LRBA: variants seen among roughly 807,000 people sequenced by gnomAD.
LRBA encodes LPS responsive beige-like anchor protein.
A neutral mutation model predicts 330.0 loss-of-function variants in LRBA; 176 were observed. That is an observed-to-expected ratio of 0.53 (90% CI 0.47 to 0.60). The LOEUF (loss-of-function observed/expected upper bound fraction) is 0.60. LRBA is among the 20% of genes least tolerant of loss of function. LRBA has a pLI of 0.00. For missense variants in LRBA, 3,259 were observed against 3,444.8 expected, an observed-to-expected ratio of 0.95 and a Z score of 1.35; for synonymous variants, 1,230 against 1,193.0, an observed-to-expected ratio of 1.03 and a Z score of -0.64.
intron 56 of LRBA, among the ~76,000 whole-genome samples, chr4:150,267,280 A>AT (rs1745469408): frequency 6.6e-6 from 1 of 152,240 alleles, no homozygotes; most frequent in South Asian, 2.1e-4. Flanking sequence ...AAGATAAACC[A>AT]TATGTTAGGC....
chr4:150,824,237 A>G (rs764555537), intron 30 of LRBA, among the ~76,000 whole-genome samples: 26 of 152,312 alleles, frequency 1.7e-4, no homozygotes, highest in Admixed American at 5.2e-4. Flanking sequence ...CTGTTAGCAT[A>G]TAGAAATGAT....
intron 22 of LRBA, among the ~76,000 whole-genome samples, chr4:150,855,028 T>C (rs1751061085): frequency 6.6e-6 from 1 of 152,096 alleles, no homozygotes; most frequent in Non-Finnish European, 1.5e-5. Context: ...GAGTCCAAGG[T>C]GGGCAGATCA....
intron 22 of LRBA, among the ~76,000 whole-genome samples, chr4:150,853,294 ACT>A (rs999771021): frequency 6.6e-6 from 1 of 152,184 alleles, no homozygotes; most frequent in African/African-American, 2.4e-5. Flanking sequence ...TGCTTTATGC[ACT>A]GGATAACACT....
chr4:150,333,731 T>C (rs1734282311), intron 48 of LRBA, among the ~76,000 whole-genome samples: 1 of 152,166 alleles, frequency 6.6e-6, no homozygotes, highest in Non-Finnish European at 1.5e-5. Context: ...AGCCTCAGTG[T>C]CCTTTGGAGG....
At chr4:150,805,344 G>A (rs1343847630) in intron 33 of LRBA, among the ~76,000 whole-genome samples, 1 of 116,090 alleles carries the variant, frequency 8.6e-6, no homozygotes, top group African/African-American at 3.3e-5. Context: ...GAAAGGAGAA[G>A]GAGAAGGAAA....
chr4:150,662,356 G>C (rs1781197784), intron 37 of LRBA, among the ~76,000 whole-genome samples: 1 of 152,154 alleles, frequency 6.6e-6, no homozygotes, highest in Admixed American at 6.5e-5. Context: ...ACATGAAACT[G>C]CAAGATGTCA....
intron 31 of LRBA, among the ~76,000 whole-genome samples, chr4:150,809,278 C>A (rs1023990192): frequency 6.6e-6 from 1 of 152,128 alleles, no homozygotes; most frequent in African/African-American, 2.4e-5. Context: ...TAAGAGGACA[C>A]GGAAGCAGCA....
intron 2 of LRBA, among the ~76,000 whole-genome samples, chr4:150,949,768 C>CT (rs397720259): frequency 2.0e-5 from 3 of 151,230 alleles, no homozygotes; most frequent in Admixed American, 6.6e-5. Context: ...CAAGGAAACT[C>CT]GTAAGTTCAA....
At chr4:150,691,016 G>A (rs970935714) in intron 36 of LRBA, among the ~76,000 whole-genome samples, 4 of 140,078 alleles carry the variant, frequency 2.9e-5, no homozygotes, top group African/African-American at 1.1e-4. Context: ...TGTAAGCTCC[G>A]CCTCCCAGGT....
chr4:150,503,186 G>A (rs974470430), intron 40 of LRBA, among the ~76,000 whole-genome samples: 1 of 152,222 alleles, frequency 6.6e-6, no homozygotes, highest in Non-Finnish European at 1.5e-5. Flanking sequence ...GTCCCTGTCT[G>A]ACAGCTTTGA....
At chr4:150,549,232 A>G (rs1766250614) in intron 40 of LRBA, among the ~76,000 whole-genome samples, 1 of 151,786 alleles carries the variant, frequency 6.6e-6, no homozygotes, top group East Asian at 1.9e-4. Flanking sequence ...TTCATATGAC[A>G]TTTTTTAGTT....
chr4:150,992,592 T>C (rs1012404181), intron 2 of LRBA, among the ~76,000 whole-genome samples: 1 of 152,164 alleles, frequency 6.6e-6, no homozygotes, highest in African/African-American at 2.4e-5. Flanking sequence ...TGAAGGGTGT[T>C]ACAATAATCC....
intron 2 of LRBA, among the ~76,000 whole-genome samples, chr4:150,974,474 A>T (rs2149591786): frequency 6.6e-6 from 1 of 152,336 alleles, no homozygotes; most frequent in East Asian, 1.9e-4. Flanking sequence ...GGCTGAGAGA[A>T]GTCTGAATTC....
chr4:150,363,464 C>G (rs973853861), intron 47 of LRBA, among the ~76,000 whole-genome samples: 1 of 152,114 alleles, frequency 6.6e-6, no homozygotes, highest in Non-Finnish European at 1.5e-5. Flanking sequence ...GGTATATATA[C>G]AAGTATATTT....
chr4:150,677,408 G>C (rs780469655), intron 37 of LRBA, among the ~76,000 whole-genome samples: 1 of 152,132 alleles, frequency 6.6e-6, no homozygotes, highest in South Asian at 2.1e-4. Context: ...ATGTTTCAAT[G>C]AGCATATGTG....
intron 31 of LRBA, among the ~76,000 whole-genome samples, chr4:150,811,561 G>A (rs1007102733): frequency 6.6e-6 from 1 of 152,072 alleles, no homozygotes; most frequent in African/African-American, 2.4e-5. Context: ...GGAGTGTACT[G>A]GTGTGATCAT....
intron 37 of LRBA, among the ~76,000 whole-genome samples, chr4:150,622,944 G>A (rs1776457525): frequency 1.3e-5 from 2 of 152,122 alleles, no homozygotes; most frequent in Admixed American, 6.5e-5. Flanking sequence ...TGATCCACCC[G>A]CCTCGGCCTC....
At chr4:150,820,644 T>C (rs1440324793) in intron 30 of LRBA, among the ~76,000 whole-genome samples, 1 of 152,026 alleles carries the variant, frequency 6.6e-6, no homozygotes, top group African/African-American at 2.4e-5. Flanking sequence ...ATAACATTGC[T>C]TCAGCTTAAG....
intron 2 of LRBA, among the ~76,000 whole-genome samples, chr4:150,979,734 C>T (rs971203703): frequency 6.6e-6 from 1 of 152,056 alleles, no homozygotes; most frequent in African/African-American, 2.4e-5. Context: ...TTCATGGTAA[C>T]CTCAAATCAG....
Sources: gnomAD v4.1 joint callset for allele counts (sites outside exome capture counted in the v4.1 genomes callset) on GRCh38, gnomAD v4.1.1 for gene constraint, MANE v1.5 for transcripts, NCBI Gene and HGNC (gene_info 2026-07-23, HGNC 2026-07-21) for gene names.